Variants in RETREG1 observed in about 807,000 individuals in gnomAD.
RETREG1 encodes reticulophagy regulator 1, also known as family with sequence similarity 134 member B.
RETREG1 carries 44 observed loss-of-function variants against 54.8 expected under a neutral mutation model. The observed-to-expected ratio is 0.80, with a 90% CI of 0.63 to 1.03. The LOEUF (loss-of-function observed/expected upper bound fraction) is 1.03. Ranked by LOEUF, RETREG1 falls within the 50% of genes least tolerant of loss-of-function variation. RETREG1 has a pLI of 0.00. For synonymous variants in RETREG1, 217 were observed against 238.5 expected (o/e 0.91, Z 0.83); for missense variants, 554 against 605.1 (o/e 0.92, Z 0.89).
At chr5:16,574,792 T>C (rs1319803946) in intron 1 of RETREG1, among the ~76,000 whole-genome samples, 6 of 152,192 alleles carry the variant, frequency 3.9e-5, no homozygotes, top group Non-Finnish European at 8.8e-5. Flanking sequence ...AGCACTGTGC[T>C]ACCAAAAGGG....
chr5:16,501,468 T>TA (rs1188736576), intron 3 of RETREG1, among the ~76,000 whole-genome samples: 1 of 152,258 alleles, frequency 6.6e-6, no homozygotes, highest in Non-Finnish European at 1.5e-5. Flanking sequence ...AAGAGCTATT[T>TA]ATCAAGCGAC....
chr5:16,508,974 G>A (rs1032745883), intron 3 of RETREG1: 11 of 1,050,404 alleles, frequency 1.0e-5, no homozygotes, highest in Admixed American at 1.0e-4. Context: ...AGGTGTCCCC[G>A]CTCAGCCAGT....
intron 3 of RETREG1, among the ~76,000 whole-genome samples, chr5:16,520,299 T>G (rs1386713397): frequency 1.4e-5 from 2 of 144,114 alleles, no homozygotes; most frequent in African/African-American, 5.2e-5. Flanking sequence ...TAATCAATAG[T>G]TTTTTGGGGG....
Position 16,582,522 on chromosome 5 carries a change from A to G in RETREG1, c.321-10420T>C, listed in dbSNP as rs548375024. ...GTTTATGGGACTGGTCTCTATTCAG[A>G]TATCTGGGTCAGGGAAGAATTAAGA... is the stretch of plus-strand genomic sequence containing the variant. On this transcript the variant is annotated intron_variant, in intron 1 of 8. Coordinates refer to ENST00000306320, the MANE Select transcript of RETREG1 (RefSeq NM_001034850.3). 2.0e-4 allele frequency among the ~76,000 whole-genome samples: 30 copies of G among 152,136 alleles called. No individual in the cohort carries two copies. The Middle Eastern group carries it at 0.01, about 52-fold the overall frequency.
In RETREG1 at chr5:16,593,413, C is replaced by A. The variant is rs984355463; in HGVS notation, c.321-21311G>T. On this transcript the variant is annotated intron_variant, in intron 1 of 8. Coordinates refer to ENST00000306320, the MANE Select transcript of RETREG1 (RefSeq NM_001034850.3). The surrounding 1 kb of genome is among the most constrained non-coding windows in gnomAD (Gnocchi z 4.9). ...TAGGTCTCTGCATGCCAATCACAGG[C>A]ACTCAATAAATACTTTTTTGTTTGC... Among the ~76,000 whole-genome samples the A allele has an allele frequency of 1.3e-5, 2 of 152,170 alleles. No homozygotes were observed. The highest frequency in any genetic ancestry group is 3.2e-3 in the Middle Eastern group (1 of 316).
chr5:16,615,247 A>G (rs898770644), intron 1 of RETREG1, among the ~76,000 whole-genome samples: 1 of 151,910 alleles, frequency 6.6e-6, no homozygotes, highest in Non-Finnish European at 1.5e-5. Context: ...AAAAATACAA[A>G]AAACTGGCCA....
intron 3 of RETREG1, among the ~76,000 whole-genome samples, chr5:16,547,193 C>T (rs1741413105): frequency 1.3e-5 from 2 of 152,364 alleles, no homozygotes; most frequent in Middle Eastern, 3.4e-3. Context: ...GAATCTAAAA[C>T]AGCAGCTTTG....
At chr5:16,569,174 A>C (rs1164973295) in intron 2 of RETREG1, among the ~76,000 whole-genome samples, 1 of 152,136 alleles carries the variant, frequency 6.6e-6, no homozygotes, top group Non-Finnish European at 1.5e-5. Context: ...AGGGCTCCCC[A>C]ATGGGCCTTT....
chr5:16,539,599 C>A (rs968221047), intron 3 of RETREG1, among the ~76,000 whole-genome samples: 1 of 152,182 alleles, frequency 6.6e-6, no homozygotes, highest in Non-Finnish European at 1.5e-5. Flanking sequence ...CACAAGCTGT[C>A]CCATGCTTGC....
chr5:16,510,123 A>G (rs1740121863), intron 3 of RETREG1, among the ~76,000 whole-genome samples: 1 of 152,250 alleles, frequency 6.6e-6, no homozygotes, highest in African/African-American at 2.4e-5. Flanking sequence ...TGTATGTGTG[A>G]AAGTGACTTT....
At chr5:16,499,534 T>C (rs892629181) in intron 3 of RETREG1, among the ~76,000 whole-genome samples, 2 of 152,218 alleles carry the variant, frequency 1.3e-5, no homozygotes, top group African/African-American at 2.4e-5. Context: ...TTTGTTTTCT[T>C]TTCAAAATGA....
intron 1 of RETREG1, among the ~76,000 whole-genome samples, chr5:16,590,334 C>T (rs886713103): frequency 1.3e-5 from 2 of 152,160 alleles, no homozygotes; most frequent in African/African-American, 2.4e-5. Context: ...CCAGAGGCTA[C>T]GCACCTGTAC....
At chr5:16,514,938 CATATATATTATATATGTGT>C (rs1447453547) in intron 3 of RETREG1, among the ~76,000 whole-genome samples, 7 of 146,412 alleles carry the variant, frequency 4.8e-5, no homozygotes, top group African/African-American at 1.5e-4. Flanking sequence ...AATATATGTG[CATATATATTATATATGTGT>C]ATATATATTA....
chr5:16,553,378 G>A (rs566358682), intron 3 of RETREG1, among the ~76,000 whole-genome samples: 14 of 151,138 alleles, frequency 9.3e-5, no homozygotes, highest in African/African-American at 3.4e-4. Flanking sequence ...GTACCATTTT[G>A]ATACACCTCA....
intron 2 of RETREG1, among the ~76,000 whole-genome samples, chr5:16,568,013 G>C (rs369210196): frequency 1.3e-5 from 2 of 152,116 alleles, no homozygotes; most frequent in African/African-American, 4.8e-5. Context: ...GATATGACTG[G>C]TTCTATCTCA....
intron 5 of RETREG1, among the ~76,000 whole-genome samples, chr5:16,479,821 A>G (rs1431132720): frequency 6.6e-6 from 1 of 152,090 alleles, no homozygotes; most frequent in Non-Finnish European, 1.5e-5. Flanking sequence ...AGGCCAAGAA[A>G]TTGTATGTAA....
intron 3 of RETREG1, among the ~76,000 whole-genome samples, chr5:16,546,415 G>C (rs954574177): frequency 3.3e-5 from 5 of 152,172 alleles, no homozygotes; most frequent in Non-Finnish European, 4.4e-5. Flanking sequence ...CCATCCTCCT[G>C]CCTTGGCCTC....
chr5:16,606,153 G>A (rs1022046905), intron 1 of RETREG1, among the ~76,000 whole-genome samples: 1 of 152,122 alleles, frequency 6.6e-6, no homozygotes, highest in Non-Finnish European at 1.5e-5. Context: ...CCCTTCGGGT[G>A]TGATTGGAGA....
chr5:16,542,045 G>A (rs967526705), intron 3 of RETREG1, among the ~76,000 whole-genome samples: 2 of 152,210 alleles, frequency 1.3e-5, no homozygotes, highest in African/African-American at 2.4e-5. Flanking sequence ...TGGTAGATGT[G>A]ATAAAGAATA....
Sources: gnomAD v4.1 joint callset for allele counts (sites outside exome capture counted in the v4.1 genomes callset) on GRCh38, gnomAD v4.1.1 for gene constraint, Gnocchi (gnomAD v3.1) non-coding constraint, MANE v1.5 for transcripts, NCBI Gene and HGNC (gene_info 2026-07-23, HGNC 2026-07-21) for gene names.